Variants in CCDC171 observed in about 807,000 individuals in gnomAD.
CCDC171 encodes coiled-coil domain containing 171.
CCDC171 carries 177 observed loss-of-function variants against 168.2 expected under a neutral mutation model. The ratio of observed to expected loss-of-function variants is 1.05; its 90% CI spans 0.93 to 1.19. CCDC171 has a LOEUF of 1.19. CCDC171 is among the 50% of genes most tolerant of loss of function. The pLI is 0.00. For synonymous variants in CCDC171, 687 were observed against 540.8 expected (o/e 1.27, Z -3.75); for missense variants, 1,991 against 1,539.0 (o/e 1.29, Z -4.91).
intron 22 of CCDC171, among the ~76,000 whole-genome samples, chr9:15,847,420 T>C (rs973026407): frequency 3.3e-5 from 5 of 152,084 alleles, no homozygotes; most frequent in African/African-American, 1.2e-4. Context: ...ACTATGTAAA[T>C]GTGATGAAAG....
chr9:15,851,655 A>G (rs1176983345), intron 23 of CCDC171, among the ~76,000 whole-genome samples: 1 of 151,904 alleles, frequency 6.6e-6, no homozygotes, highest in Non-Finnish European at 1.5e-5. Flanking sequence ...GGTTTTCAGT[A>G]TGTGCACCCA....
At chr9:16,093,349 C>G in the CCDC171 span, among the ~76,000 whole-genome samples, 1 of 152,170 alleles carries the variant, frequency 6.6e-6, no homozygotes, top group African/African-American at 2.4e-5. Flanking sequence ...TTCCCACAGG[C>G]CACTGTGGAG....
chr9:15,582,681 A>C (rs532098014), intron 4 of CCDC171, among the ~76,000 whole-genome samples: 1 of 152,234 alleles, frequency 6.6e-6, no homozygotes, highest in South Asian at 2.1e-4. Flanking sequence ...CTAACACAAG[A>C]ACAGAAAACC....
At chr9:15,868,152 C>T (rs1255401513) in intron 23 of CCDC171, among the ~76,000 whole-genome samples, 1 of 151,988 alleles carries the variant, frequency 6.6e-6, no homozygotes, top group Non-Finnish European at 1.5e-5. Flanking sequence ...TTTCTGGTGA[C>T]AGCAGCTGGC....
chr9:15,786,332 G>A (rs771526994), intron 21 of CCDC171, among the ~76,000 whole-genome samples: 2 of 151,744 alleles, frequency 1.3e-5, no homozygotes, highest in African/African-American at 4.8e-5. Context: ...TTTTACACAA[G>A]TAATAAATAT....
At chr9:15,996,448 G>T (rs530736859) in intron 3 of CCDC171, among the ~76,000 whole-genome samples, 1 of 148,536 alleles carries the variant, frequency 6.7e-6, no homozygotes, top group African/African-American at 2.5e-5. Flanking sequence ...TTTTGCGGGG[G>T]GCGGACATTG....
intron 7 of CCDC171, among the ~76,000 whole-genome samples, chr9:15,642,341 G>GTGTGTATA (rs1554726445): frequency 2.4e-5 from 1 of 40,948 alleles, no homozygotes; most frequent in Non-Finnish European, 5.3e-5. Flanking sequence ...ACGTGTGTGT[G>GTGTGTATA]TGTATATATA....
At chr9:15,771,200 T>C (rs1297704647) in intron 18 of CCDC171, among the ~76,000 whole-genome samples, 1 of 152,156 alleles carries the variant, frequency 6.6e-6, no homozygotes, top group Non-Finnish European at 1.5e-5. Flanking sequence ...TATAAAATCA[T>C]CTTATACTTG....
intron 24 of CCDC171, among the ~76,000 whole-genome samples, chr9:15,910,937 A>G (rs1823537274): frequency 6.6e-6 from 1 of 152,126 alleles, no homozygotes; most frequent in Non-Finnish European, 1.5e-5. Flanking sequence ...TTCTTTATCC[A>G]GTCTTCATTG....
intron 21 of CCDC171, among the ~76,000 whole-genome samples, chr9:15,826,610 A>G (rs997724310): frequency 6.6e-6 from 1 of 152,214 alleles, no homozygotes; most frequent in Non-Finnish European, 1.5e-5. Context: ...CACATCGTGA[A>G]CTAGGGATAA....
chr9:15,632,134 C>T (rs1284862042), intron 7 of CCDC171, among the ~76,000 whole-genome samples: 2 of 151,384 alleles, frequency 1.3e-5, no homozygotes, highest in South Asian at 2.1e-4. Context: ...CCTCTCTCAC[C>T]ACTCCTATTC....
intron 24 of CCDC171, among the ~76,000 whole-genome samples, chr9:15,880,944 T>C (rs1428413801): frequency 6.6e-6 from 1 of 152,198 alleles, no homozygotes; most frequent in African/African-American, 2.4e-5. Flanking sequence ...ATATAGTTCA[T>C]CTGAGAATAA....
Position 15,874,645 on chromosome 9 carries a change from A to G in CCDC171, c.3582A>G (p.Pro1194=), listed in dbSNP as rs777052329. Residue 1194 remains proline (P), a synonymous_variant, in exon 24 of 26, where the codon CCA becomes CCG. Transcript: ENST00000380701. ...TFAMEGLKGG[P]EVVACQAMIK... is the part of the protein sequence containing the mutation. ...CAATGGAGGGGCTCAAGGGCGGGCC[A>G]GAGGTGGTAGCATGCCAGGTTAGAG... The G allele has an allele frequency of 6.9e-6, 11 of 1,587,270 alleles. No individual in the cohort carries two copies. In the Admixed American group the frequency reaches 8.8e-5, roughly 13 times the overall value.
chr9:15,776,882 T>C (rs2057355248), intron 18 of CCDC171, among the ~76,000 whole-genome samples: 1 of 152,260 alleles, frequency 6.6e-6, no homozygotes. Context: ...ATAATCTTTC[T>C]GTGCTTGTCA....
upstream of CCDC171, among the ~76,000 whole-genome samples, chr9:16,038,285 A>T (rs1263698361): frequency 6.6e-6 from 1 of 152,160 alleles, no homozygotes; most frequent in Non-Finnish European, 1.5e-5. Context: ...AGTAGAAGAA[A>T]ATTGAACTAG....
intron 1 of CCDC171, among the ~76,000 whole-genome samples, chr9:15,557,916 A>G (rs1347091238): frequency 6.6e-6 from 1 of 152,134 alleles, no homozygotes; most frequent in Non-Finnish European, 1.5e-5. Context: ...CGTCCCATCA[A>G]TACCTAATTT....
At chr9:15,773,546 AG>A (rs1244634576) in intron 18 of CCDC171, among the ~76,000 whole-genome samples, 1 of 152,228 alleles carries the variant, frequency 6.6e-6, no homozygotes, top group Non-Finnish European at 1.5e-5. Flanking sequence ...ATAGGAAGAA[AG>A]TGATTAACAA....
intron 25 of CCDC171, among the ~76,000 whole-genome samples, chr9:15,930,328 A>G (rs963406749): frequency 6.6e-6 from 1 of 151,532 alleles, no homozygotes; most frequent in East Asian, 1.9e-4. Flanking sequence ...TAATTTACAT[A>G]TTCTATATAT....
At chr9:15,766,696 C>T (rs2105315) in intron 18 of CCDC171, among the ~76,000 whole-genome samples, 57,471 of 151,674 alleles carry the variant, frequency 0.38, 13,536 homozygotes, top group East Asian at 0.65. Flanking sequence ...GTCTCTGTCA[C>T]CCAGGCTGGA....
Sources: gnomAD v4.1 joint callset for allele counts (sites outside exome capture counted in the v4.1 genomes callset) on GRCh38, gnomAD v4.1.1 for gene constraint, MANE v1.5 for transcripts, NCBI Gene and HGNC (gene_info 2026-07-23, HGNC 2026-07-21) for gene names.